The following SQOR variants were observed in gnomAD, a reference collection of about 807,000 sequenced individuals.
SQOR encodes the protein sulfide quinone oxidoreductase.
A neutral mutation model predicts 48.6 loss-of-function variants in SQOR; 39 were observed. The ratio of observed to expected loss-of-function variants is 0.80; its 90% CI spans 0.62 to 1.05. SQOR has a LOEUF of 1.05. Among genes scored for constraint, SQOR ranks in the 50% least tolerant of loss-of-function variants. SQOR has a pLI of 0.00. For missense variants in SQOR, 561 were observed against 559.9 expected (o/e 1.00, Z -0.02); for synonymous variants, 220 against 206.2 (o/e 1.07, Z -0.57).
chr15:45,661,158 T>C (rs964587518), intron 2 of SQOR, among the ~76,000 whole-genome samples: 4 of 151,876 alleles, frequency 2.6e-5, no homozygotes, highest in African/African-American at 9.7e-5. Flanking sequence ...GGCACATGCC[T>C]GTAGTCCCAG....
chr15:45,653,602 G>T (rs1889538197), intron 1 of SQOR, among the ~76,000 whole-genome samples: 1 of 152,130 alleles, frequency 6.6e-6, no homozygotes, highest in Admixed American at 6.5e-5. Context: ...AAGGTTAGAG[G>T]TGGGGCTGAG....
At chr15:45,686,646 G>T (rs1438924157) in intron 7 of SQOR, among the ~76,000 whole-genome samples, 1 of 152,148 alleles carries the variant, frequency 6.6e-6, no homozygotes, top group Non-Finnish European at 1.5e-5. Flanking sequence ...TTTGCCGTGG[G>T]CCCACAAGGC....
chr15:45,650,545 T>C (rs558722892), intron 1 of SQOR, among the ~76,000 whole-genome samples: 3 of 152,136 alleles, frequency 2.0e-5, no homozygotes, highest in Admixed American at 2.0e-4. Flanking sequence ...GAAGAAAGCA[T>C]CCACAACACG....
intron 1 of SQOR, among the ~76,000 whole-genome samples, chr15:45,650,602 T>C (rs1006710848): frequency 6.6e-5 from 10 of 152,176 alleles, no homozygotes; most frequent in African/African-American, 1.9e-4. Context: ...GCAGCCTGCT[T>C]TTATTCCCTT....
intron 1 of SQOR, among the ~76,000 whole-genome samples, chr15:45,650,159 C>G (rs752401114): frequency 6.6e-6 from 1 of 151,832 alleles, no homozygotes; most frequent in Non-Finnish European, 1.5e-5. Flanking sequence ...TAAGCCTTTG[C>G]AATGTGGTCT....
At chr15:45,653,060 T>G (rs1330110286) in intron 1 of SQOR, among the ~76,000 whole-genome samples, 1 of 152,206 alleles carries the variant, frequency 6.6e-6, no homozygotes, top group African/African-American at 2.4e-5. Context: ...TGTCAGAAAT[T>G]ACTGTTGGTT....
In SQOR at chr15:45,673,599, T is replaced by C. The variant is rs1007099900; in HGVS notation, c.460-8T>C. ...TGTTTAAAATAATTTTTGTGTACTT[T>C]GTTGCAGATTAAAGGCCTACCTGAA... is the stretch of plus-strand genomic sequence containing the variant. On this transcript the variant is annotated splice_region_variant and splice_polypyrimidine_tract_variant and intron_variant, in intron 4 of 9. Coordinates refer to ENST00000260324, the MANE Select transcript of SQOR (RefSeq NM_021199.4). 1.9e-6 allele frequency: 3 copies of C among 1,609,028 alleles called. No homozygotes were observed. The highest frequency in any genetic ancestry group is 2.5e-6 in the Non-Finnish European group (3 of 1,177,212).
At position 45,659,080 on chromosome 15, in the gene SQOR, A is replaced by G; in HGVS notation, c.157A>G (p.Ser53Gly). The stretch of plus-strand genomic sequence containing the variant: ...TGAGGTGCTGGTGCTGGGTGGGGGC[A>G]GTGGCGGAATCACCATGGCTGCCCG... ...HYEVLVLGGG[S>G]GGITMAARMK... Residue 53 changes from serine (S) to glycine (G), a missense_variant, in exon 2 of 10, where the codon AGT (serine) becomes GGT (glycine). Coordinates refer to ENST00000260324, the MANE Select transcript of SQOR (RefSeq NM_021199.4). 1 of 1,593,680 alleles carries G rather than the reference A, an allele frequency of 6.3e-7. No individual in the cohort carries two copies. The highest frequency in any genetic ancestry group is 8.5e-7 in the Non-Finnish European group (1 of 1,170,374).
At chr15:45,658,525 G>A (rs973248602) in intron 1 of SQOR, among the ~76,000 whole-genome samples, 2 of 152,202 alleles carry the variant, frequency 1.3e-5, no homozygotes, top group African/African-American at 4.8e-5. Context: ...AGAAAGCACT[G>A]GGGAGTGTGC....
chr15:45,651,334 T>G (rs1191299042), intron 1 of SQOR, among the ~76,000 whole-genome samples: 1 of 152,040 alleles, frequency 6.6e-6, no homozygotes, highest in Admixed American at 6.5e-5. Context: ...CACCCAGAAC[T>G]CGTGCTGGCC....
intron 1 of SQOR, among the ~76,000 whole-genome samples, chr15:45,643,182 GAA>G (rs1477083920): frequency 1.9e-4 from 29 of 152,282 alleles, no homozygotes; most frequent in African/African-American, 5.8e-4. Flanking sequence ...GGCGCTCAAT[GAA>G]TACTTGTGGA....
intron 3 of SQOR, among the ~76,000 whole-genome samples, chr15:45,664,400 C>G (rs758366130): frequency 4.6e-5 from 7 of 152,146 alleles, no homozygotes; most frequent in Non-Finnish European, 1.0e-4. Context: ...GAAGATGGCT[C>G]TTATGTTTTA....
rs72715086 is a variant in SQOR at position 45,660,229 on chromosome 15, G to C, written c.234+1072G>C. Among the ~76,000 whole-genome samples the C allele has an allele frequency of 9.7e-3, 1,476 of 152,276 alleles. 15 individuals are homozygous for C. The highest frequency in any genetic ancestry group is 0.031 in the Middle Eastern group (9 of 294). On this transcript the variant is annotated intron_variant, in intron 2 of 9. Coordinates refer to ENST00000260324, the MANE Select transcript of SQOR (RefSeq NM_021199.4). ...AAAATGGATCAGGTGCCTGTTTCAGGGGGAGGACAGGACAAGGAAGACATA... is the reference window on the plus strand; with the variant it reads ...AAAATGGATCAGGTGCCTGTTTCAGCGGGAGGACAGGACAAGGAAGACATA...
chr15:45,631,485 G>T (rs1001910550), upstream of SQOR: 6 of 152,152 alleles, frequency 3.9e-5, no homozygotes, highest in African/African-American at 1.4e-4. Context: ...GGTTTGCTGG[G>T]GAGGCTAGGG....
At chr15:45,679,730 A>G (rs1890093177) in intron 6 of SQOR, among the ~76,000 whole-genome samples, 1 of 152,352 alleles carries the variant, frequency 6.6e-6, no homozygotes, top group East Asian at 1.9e-4. Context: ...TTGTCCAAAT[A>G]ATAGCATTCT....
intron 7 of SQOR, among the ~76,000 whole-genome samples, chr15:45,684,205 G>A (rs534539659): frequency 3.3e-5 from 5 of 152,136 alleles, no homozygotes; most frequent in South Asian, 2.1e-4. Flanking sequence ...GAGCCACCAC[G>A]CCCAGCCTGT....
At chr15:45,673,961 G>A (rs1566921639) in intron 5 of SQOR, 160 bp downstream of exon 5, 1 of 712,714 alleles carries the variant, frequency 1.4e-6, no homozygotes, top group East Asian at 2.7e-5. Context: ...AAATATAAAA[G>A]AGGAGAAAAT....
intron 3 of SQOR, among the ~76,000 whole-genome samples, chr15:45,665,950 A>T (rs530728434): frequency 6.6e-6 from 1 of 152,144 alleles, no homozygotes; most frequent in Non-Finnish European, 1.5e-5. Context: ...CACTGTTGAA[A>T]CCCAGACTCA....
At chr15:45,636,088 C>A (rs141189462) in intron 1 of SQOR, among the ~76,000 whole-genome samples, 1 of 152,132 alleles carries the variant, frequency 6.6e-6, no homozygotes, top group Non-Finnish European at 1.5e-5. Context: ...TTCGGCCTTC[C>A]AAAGTGCTGG....
Sources: allele counts gnomAD v4.1 joint callset (sites outside exome capture counted in the v4.1 genomes callset), GRCh38; gene constraint gnomAD v4.1.1; transcripts MANE v1.5; gene names NCBI Gene and HGNC (gene_info 2026-07-23, HGNC 2026-07-21).